The following ST8SIA6 variants were observed in gnomAD, a reference collection of about 807,000 sequenced individuals.
ST8SIA6 encodes the protein ST8 alpha-N-acetyl-neuraminide alpha-2,8-sialyltransferase 6.
In ST8SIA6, 39 loss-of-function variants were observed where a neutral mutation model predicts 33.6. The observed-to-expected ratio is 1.16, with a 90% CI of 0.90 to 1.52. The LOEUF is 1.52. Among genes scored for constraint, ST8SIA6 ranks in the 40% most tolerant of loss-of-function variants. The pLI, the probability that ST8SIA6 is intolerant of heterozygous loss-of-function variation, is 0.00. For synonymous variants in ST8SIA6, 172 were observed against 167.2 expected, an observed-to-expected ratio of 1.03 and a Z score of -0.22; for missense variants, 441 against 443.8, an observed-to-expected ratio of 0.99 and a Z score of 0.06.
At position 17,323,070 on chromosome 10, in the gene ST8SIA6, A is replaced by T. The variant is rs1211937377; in HGVS notation, c.723T>A (p.Thr241=). The T allele has an allele frequency of 6.2e-7, 1 of 1,611,646 alleles. No individual in the cohort carries two copies. The change falls in exon 7 of 8, where the codon ACT becomes ACA. Residue 241 remains threonine, a synonymous_variant. Transcript: ENST00000377602. Reference sequence around the variant, plus strand: ...TGTAACTTGCAGCTACTTACTTCAGAGTTATGATGCTTGGATTTATAGTCA... The same window carrying T: ...TGTAACTTGCAGCTACTTACTTCAGTGTTATGATGCTTGGATTTATAGTCA... ...NLVTINPSII[T]LKYGNLKEKK...
intron 6 of ST8SIA6, among the ~76,000 whole-genome samples, chr10:17,324,640 A>G (rs1033284394): frequency 6.6e-6 from 1 of 150,736 alleles, no homozygotes; most frequent in Non-Finnish European, 1.5e-5. Context: ...TTAATTCATG[A>G]GTCTAAAATG....
intron 2 of ST8SIA6, chr10:17,410,467 G>A (rs911347559): frequency 2.0e-5 from 3 of 151,996 alleles, no homozygotes; most frequent in Admixed American, 2.0e-4. Context: ...TATAACCCAC[G>A]CTTTGTAAGA....
intron 2 of ST8SIA6, among the ~76,000 whole-genome samples, chr10:17,394,900 C>A (rs190528949): frequency 6.6e-5 from 10 of 152,314 alleles, no homozygotes; most frequent in Admixed American, 4.6e-4. Context: ...AAACCAGGAA[C>A]AACATCGTGG....
intron 3 of ST8SIA6, among the ~76,000 whole-genome samples, chr10:17,377,977 T>C (rs1191538635): frequency 2.0e-5 from 3 of 152,146 alleles, no homozygotes; most frequent in South Asian, 4.1e-4. Flanking sequence ...AACAACACTT[T>C]TATAACAACA....
chr10:17,345,729 T>TA (rs1848813297), intron 4 of ST8SIA6, among the ~76,000 whole-genome samples: 1 of 152,152 alleles, frequency 6.6e-6, no homozygotes, highest in Non-Finnish European at 1.5e-5. Context: ...GGGCAAAGCA[T>TA]TGAAGGGTCT....
chr10:17,370,486 T>G (rs2131631287), intron 3 of ST8SIA6, among the ~76,000 whole-genome samples: 1 of 152,302 alleles, frequency 6.6e-6, no homozygotes, highest in Non-Finnish European at 1.5e-5. Flanking sequence ...TTTTATAATT[T>G]TAACTATTTT....
chr10:17,415,934 C>A (rs112269433), intron 2 of ST8SIA6, among the ~76,000 whole-genome samples: 2 of 151,440 alleles, frequency 1.3e-5, no homozygotes, highest in African/African-American at 2.4e-5. Context: ...CTCAGCCTCC[C>A]GAGTAACTGG....
At chr10:17,359,370 A>G (rs753803652) in intron 4 of ST8SIA6, 144 bp downstream of exon 4, 45 of 567,696 alleles carry the variant, frequency 7.9e-5, no homozygotes, top group Non-Finnish European at 1.3e-4. Flanking sequence ...CCTGTGCCTC[A>G]TGAGAGGGTC....
chr10:17,392,254 G>A (rs1301219752), intron 2 of ST8SIA6, among the ~76,000 whole-genome samples: 2 of 152,232 alleles, frequency 1.3e-5, no homozygotes, highest in African/African-American at 4.8e-5. Flanking sequence ...GCTCAGAAGA[G>A]TAGGTCTCTA....
intron 2 of ST8SIA6, among the ~76,000 whole-genome samples, chr10:17,431,111 C>G (rs1325844277): frequency 6.6e-6 from 1 of 152,100 alleles, no homozygotes; most frequent in Non-Finnish European, 1.5e-5. Context: ...AAAGGCAAAG[C>G]CTCATTAGGA....
intron 4 of ST8SIA6, 146 bp downstream of exon 4, chr10:17,359,368 T>A (rs767266124): frequency 3.6e-6 from 2 of 560,860 alleles, no homozygotes; most frequent in Non-Finnish European, 6.3e-6. Flanking sequence ...GCCCTGTGCC[T>A]CATGAGAGGG....
chr10:17,427,623 G>A (rs1461531731), intron 2 of ST8SIA6, among the ~76,000 whole-genome samples: 3 of 152,218 alleles, frequency 2.0e-5, no homozygotes, highest in Admixed American at 6.5e-5. Context: ...TCAAGGTCAC[G>A]GAGACAGTCA....
At chr10:17,339,981 A>G (rs559842350) in intron 4 of ST8SIA6, among the ~76,000 whole-genome samples, 1 of 152,338 alleles carries the variant, frequency 6.6e-6, no homozygotes, top group South Asian at 2.1e-4. Context: ...GAAAATAAAA[A>G]GGTTTAGAAA....
chr10:17,379,157 G>T lies in ST8SIA6; in HGVS notation c.290+11374C>A, dbSNP rs181260155. The stretch of plus-strand genomic sequence containing the variant: ...AAAAACAAAAACAAAAAAAACCGAA[G>T]GGACTTTTCCCAAAGATCTAGCTAG... On this transcript the variant is annotated intron_variant, in intron 3 of 7. Transcript: ENST00000377602. Among the ~76,000 whole-genome samples, 160 of 151,764 alleles carry T rather than the reference G, an allele frequency of 1.1e-3. 2 individuals are homozygous for T. The highest frequency in any genetic ancestry group is 3.6e-3 in the African/African-American group (150 of 41,352).
chr10:17,402,071 C>T (rs924448785), intron 2 of ST8SIA6, among the ~76,000 whole-genome samples: 2 of 152,034 alleles, frequency 1.3e-5, no homozygotes, highest in African/African-American at 4.8e-5. Flanking sequence ...ACAAAGAACA[C>T]AAACAAATTT....
intron 3 of ST8SIA6, among the ~76,000 whole-genome samples, chr10:17,385,285 T>A (rs1050234607): frequency 1.3e-5 from 2 of 152,152 alleles, no homozygotes; most frequent in Admixed American, 6.5e-5. Flanking sequence ...GACCTGGAAG[T>A]TCCCCCCACA....
chr10:17,335,960 A>ATT (rs34682275), intron 4 of ST8SIA6, among the ~76,000 whole-genome samples: 2 of 147,108 alleles, frequency 1.4e-5, no homozygotes, highest in Non-Finnish European at 3.0e-5. Context: ...TTTTTGCTGA[A>ATT]TTTTTTTTTT....
rs182907493 is a variant in ST8SIA6, at chr10:17,316,757, C to T, written c.*4121G>A. On this transcript the variant is annotated 3_prime_UTR_variant, in exon 8 of 8. Transcript: ENST00000377602. ...TTCTTATTAGCTACTCAGCTTTCCC[C>T]TTTGTAAATCACATTCTTATCTTTT... Among the ~76,000 whole-genome samples, 63 of 152,230 alleles carry T rather than the reference C, an allele frequency of 4.1e-4. No individual in the cohort carries two copies. In the East Asian group the frequency reaches 0.011, roughly 28 times the overall value.
At position 17,317,627 on chromosome 10, in the gene ST8SIA6, C is replaced by T. The variant is rs1847817790; in HGVS notation, c.*3251G>A. ...AGGATGTTAGTGGACCTGTTTTCCA[C>T]AAAATTTTCCACTTTTCCCAAAGCT... On this transcript the variant is annotated 3_prime_UTR_variant, in exon 8 of 8. Coordinates refer to ENST00000377602, the MANE Select transcript of ST8SIA6 (RefSeq NM_001004470.3). 6.6e-6 allele frequency among the ~76,000 whole-genome samples: 1 copy of T among 152,128 alleles called. No individual in the cohort carries two copies. The highest frequency in any genetic ancestry group is 6.6e-5 in the Admixed American group (1 of 15,256).
Sources: allele counts gnomAD v4.1 joint callset (sites outside exome capture counted in the v4.1 genomes callset), GRCh38; gene constraint gnomAD v4.1.1; transcripts MANE v1.5; gene names NCBI Gene and HGNC (gene_info 2026-07-23, HGNC 2026-07-21).